Variants in JADE2 observed in about 807,000 individuals in gnomAD.
JADE2 encodes E3 ubiquitin-protein ligase Jade-2.
A neutral mutation model predicts 85.7 loss-of-function variants in JADE2; 13 were observed. The ratio of observed to expected loss-of-function variants is 0.15; its 90% confidence interval spans 0.10 to 0.24. JADE2 has a LOEUF of 0.24. Among genes scored for constraint, JADE2 ranks in the 10% least tolerant of loss-of-function variants. The pLI, the probability that JADE2 is intolerant of heterozygous loss-of-function variation, is 1.00. For synonymous variants in JADE2, 440 were observed against 456.1 expected, an observed-to-expected ratio of 0.96 and a Z score of 0.45; for missense variants, 846 against 1,115.9, an observed-to-expected ratio of 0.76 and a Z score of 3.45.
rs554316827 is a variant in JADE2 at position 134,526,191 on chromosome 5, C to T, written c.-1+180C>T. Reference sequence around the variant, plus strand: ...GCGGAGAGGGGGGGGATGCACAGCACAGGGGAGAGAGATTGCGCATGTTGG... The same window carrying T: ...GCGGAGAGGGGGGGGATGCACAGCATAGGGGAGAGAGATTGCGCATGTTGG... On this transcript the variant is annotated intron_variant, in intron 1 of 11. Transcript: ENST00000681547. The T allele has an allele frequency of 1.1e-5, 11 of 985,486 alleles. No homozygotes were observed. The South Asian group carries it at 4.2e-4, about 38-fold the overall frequency. The allele number at this position is 985,486 out of a possible 1,614,324, so 61.0% of individuals were successfully genotyped here.
chr5:134,579,483 G>A lies in JADE2; in HGVS notation c.*166G>A, dbSNP rs555088114. 6.5e-6 allele frequency: 4 copies of A among 615,010 alleles called. No homozygotes were observed. In the Admixed American group the frequency reaches 1.2e-4, roughly 18 times the overall value. 38.1% of individuals were successfully genotyped at this position (615,010 alleles called of 1,614,324 possible). ...AGAGAGTTTTGAATTCTACACTGTTGTCTTTCCTCTGTGCTGGCCTAGGAC... is the reference window on the plus strand; with the variant it reads ...AGAGAGTTTTGAATTCTACACTGTTATCTTTCCTCTGTGCTGGCCTAGGAC... On this transcript the variant is annotated 3_prime_UTR_variant, in exon 12 of 12. Coordinates refer to ENST00000681547, the MANE Select transcript of JADE2 (RefSeq NM_001388185.1). This position sits in a 1 kb window ranked among gnomAD's most constrained non-coding sequence, Gnocchi z 4.6.
intron 10 of JADE2, chr5:134,575,517 T>C (rs532116819): frequency 1.1e-4 from 16 of 152,342 alleles, no homozygotes; most frequent in Non-Finnish European, 2.4e-4. Flanking sequence ...CGAGATCTTC[T>C]TGTAGCCTGG....
chr5:134,557,268 ATTTT>A lies in JADE2; in HGVS notation c.312-2554_312-2551del, dbSNP rs59125974. Reference sequence around the variant, plus strand: ...GTTGTTTTCAAGCTTTTATTTTTTTATTTTTTTTTTTATTTTTTTTTTTTTCAGA... The same window carrying A: ...GTTGTTTTCAAGCTTTTATTTTTTTATTTTTTTATTTTTTTTTTTTTCAGA... On this transcript the variant is annotated intron_variant, in intron 4 of 11. Coordinates refer to ENST00000681547, the MANE Select transcript of JADE2 (RefSeq NM_001388185.1). Among the ~76,000 whole-genome samples, 632 of 137,912 alleles carry A rather than the reference ATTTT, an allele frequency of 4.6e-3. 8 individuals carry two copies. Among genetic ancestry groups the A allele is most frequent in the Non-Finnish European group, 5.3e-3 (342 of 64,464 alleles). The allele number at this position is 137,912 out of a possible 152,430, so 90.5% of individuals were successfully genotyped here. A position where few individuals can be genotyped will look rare whatever the true frequency, so the allele number is the denominator to read the frequency against.
chr5:134,526,090 G>T, intron 1 of JADE2, 79 bp downstream of exon 1: 1 of 984,966 alleles, frequency 1.0e-6, no homozygotes, highest in Non-Finnish European at 1.2e-6. Flanking sequence ...ATCTGCCAGC[G>T]CTCTTCGCTC....
chr5:134,556,262 A>G (rs1762905687), intron 4 of JADE2, among the ~76,000 whole-genome samples: 1 of 152,230 alleles, frequency 6.6e-6, no homozygotes, highest in African/African-American at 2.4e-5. Flanking sequence ...AACCATGGCA[A>G]CCAGCGGGGG....
At chr5:134,552,675 C>A (rs1022946381) in intron 4 of JADE2, among the ~76,000 whole-genome samples, 1 of 152,142 alleles carries the variant, frequency 6.6e-6, no homozygotes, top group Admixed American at 6.5e-5. Flanking sequence ...TTTTTTCTTT[C>A]TTTTTTTATT....
At chr5:134,540,640 C>T (rs182912281) in intron 3 of JADE2, among the ~76,000 whole-genome samples, 11 of 152,276 alleles carry the variant, frequency 7.2e-5, no homozygotes, top group East Asian at 3.9e-4. Flanking sequence ...CAAGAATTGT[C>T]GTGCCCATTT....
rs1764754733 is a variant in JADE2, at chr5:134,582,422, G to A, written c.*3105G>A. ...GTATGCAGGCATGCCTGTGTATACT[G>A]TGTATGGGCACACTGGGACTAGCTG... is the stretch of plus-strand genomic sequence containing the variant. On this transcript the variant is annotated 3_prime_UTR_variant, in exon 12 of 12. Transcript: ENST00000681547. 1.6e-4 allele frequency: 1 copy of A among 6,270 alleles called. No homozygotes were observed. The highest frequency in any genetic ancestry group is 6.4e-4 in the African/African-American group (1 of 1,552). 0.4% of individuals were successfully genotyped at this position (6,270 alleles called of 1,614,324 possible). A position where few individuals can be genotyped will look rare whatever the true frequency, so the allele number is the denominator to read the frequency against.
intron 3 of JADE2, among the ~76,000 whole-genome samples, chr5:134,541,172 C>G (rs926803728): frequency 6.6e-6 from 1 of 152,228 alleles, no homozygotes; most frequent in Non-Finnish European, 1.5e-5. Context: ...CCTCCCCGCC[C>G]AGAACCCTTG....
Position 134,573,854 on chromosome 5 carries a change from G to A in JADE2, c.1552+92G>A. The A allele has an allele frequency of 3.5e-6, 3 of 858,856 alleles. No individual in the cohort carries two copies. The South Asian group carries it at 4.0e-5, about 11-fold the overall frequency. 53.2% of individuals were successfully genotyped at this position (858,856 alleles called of 1,614,324 possible). A position where few individuals can be genotyped will look rare whatever the true frequency, so the allele number is the denominator to read the frequency against. On this transcript the variant is annotated intron_variant, in intron 10 of 11. Transcript: ENST00000681547. ...GAGGGTGTGTCTTTGGATCCTGGTG[G>A]GGGTATGTGCGTGGAGCCAAGGGCC... is the stretch of plus-strand genomic sequence containing the variant.
intron 1 of JADE2, among the ~76,000 whole-genome samples, chr5:134,529,997 C>G (rs1761130603): frequency 6.6e-6 from 1 of 152,246 alleles, no homozygotes; most frequent in African/African-American, 2.4e-5. Context: ...CAGGAGGGTT[C>G]AGGCTCCTCT....
At chr5:134,526,531 G>A in intron 1 of JADE2, 1 of 985,336 alleles carries the variant, frequency 1.0e-6, no homozygotes, top group Non-Finnish European at 1.2e-6. Flanking sequence ...CAGCACGTCC[G>A]GGCGCCGAAC....
intron 1 of JADE2, among the ~76,000 whole-genome samples, chr5:134,527,489 C>G (rs1938389334): frequency 1.3e-5 from 2 of 152,184 alleles, no homozygotes; most frequent in Middle Eastern, 3.4e-3. Context: ...AGCTACCACC[C>G]CACCCGCCCC....
chr5:134,559,153 G>T (rs1478331770), intron 4 of JADE2, among the ~76,000 whole-genome samples: 1 of 152,212 alleles, frequency 6.6e-6, no homozygotes, highest in African/African-American at 2.4e-5. Flanking sequence ...GAGAAGGGCA[G>T]GGTGGCATGT....
chr5:134,560,660 C>A, intron 5 of JADE2, 86 bp from the exon 6 acceptor site: 2 of 1,176,618 alleles, frequency 1.7e-6, no homozygotes, highest in Non-Finnish European at 2.4e-6. Flanking sequence ...GCCCTGAATT[C>A]CTGCAACTCC....
chr5:134,548,780 C>G (rs1227455937), intron 3 of JADE2, among the ~76,000 whole-genome samples: 1 of 152,188 alleles, frequency 6.6e-6, no homozygotes, highest in East Asian at 1.9e-4. Context: ...GTGGGACACT[C>G]TGGTCTCACC....
At chr5:134,560,069 C>A (rs569107238) in intron 5 of JADE2, 79 bp downstream of exon 5, 3 of 1,508,298 alleles carry the variant, frequency 2.0e-6, no homozygotes, top group African/African-American at 2.7e-5. Context: ...GGACAGTGGC[C>A]CAGGCAGGGC....
At chr5:134,567,107 GCT>G (rs994071076) in intron 9 of JADE2, among the ~76,000 whole-genome samples, 1 of 152,210 alleles carries the variant, frequency 6.6e-6, no homozygotes, top group Non-Finnish European at 1.5e-5. Context: ...GGTAAACGCG[GCT>G]CCGTGGGGTG....
At chr5:134,524,431 T>A (rs1032119722), upstream of JADE2, 2 of 152,246 alleles carry the variant, frequency 1.3e-5, no homozygotes, top group Admixed American at 6.5e-5. Flanking sequence ...CACCACAAGG[T>A]CAAGTCGGGA....
Sources: gnomAD v4.1 joint callset for allele counts (sites outside exome capture counted in the v4.1 genomes callset) on GRCh38, gnomAD v4.1.1 for gene constraint, Gnocchi (gnomAD v3.1) non-coding constraint, MANE v1.5 for transcripts, NCBI Gene and HGNC (gene_info 2026-07-23, HGNC 2026-07-21) for gene names.